Variants in INPP5A observed in about 807,000 individuals in gnomAD.
The protein encoded by INPP5A is 43 kDa inositol polyphosphate 5-phophatase.
A neutral mutation model predicts 65.2 loss-of-function variants in INPP5A; 14 were observed. That is an observed-to-expected ratio of 0.21 (90% CI 0.14 to 0.34). The LOEUF is 0.34. Among genes scored for constraint, INPP5A ranks in the 10% least tolerant of loss-of-function variants. The pLI, the probability that INPP5A is intolerant of heterozygous loss-of-function variation, is 1.00. For missense variants in INPP5A, 431 were observed against 545.6 expected (o/e 0.79, Z 2.09); for synonymous variants, 207 against 208.3 (o/e 0.99, Z 0.05).
At chr10:132,672,741 C>T (rs944570881) in intron 4 of INPP5A, among the ~76,000 whole-genome samples, 42 of 152,334 alleles carry the variant, frequency 2.8e-4, no homozygotes, top group African/African-American at 9.1e-4. Context: ...TCTTCAAAAA[C>T]GACTTCCACT....
chr10:132,747,824 C>A (rs767257721), intron 9 of INPP5A, among the ~76,000 whole-genome samples: 21 of 152,180 alleles, frequency 1.4e-4, no homozygotes, highest in Admixed American at 3.9e-4. Flanking sequence ...TGAAATGGGA[C>A]AATCGCTTGA....
In INPP5A at chr10:132,726,831, C is replaced by A; in HGVS notation, c.658C>A (p.Gln220Lys). The change falls in exon 9 of 16, where the codon CAG becomes AAG. Residue 220 changes from glutamine to lysine, a missense_variant. Physicochemically the swap from Gln to Lys is moderately conservative, Grantham distance 53. Transcript: ENST00000368594. ...TCTTTTTCTTTCCAGAATCATTGAT[C>A]AGCGATTCGAGAAGGTTTCCTACTT... ...LGYVLDRIID[Q>K]RFEKVSYFVF... The A allele has an allele frequency of 6.2e-7, 1 of 1,602,058 alleles. No homozygotes were observed. The highest frequency in any genetic ancestry group is 8.5e-7 in the Non-Finnish European group (1 of 1,171,204).
intron 8 of INPP5A, among the ~76,000 whole-genome samples, chr10:132,719,797 G>T (rs34776519): frequency 6.6e-6 from 1 of 151,080 alleles, no homozygotes; most frequent in Non-Finnish European, 1.5e-5. Context: ...TGTGGGTTCT[G>T]TGGTGCCTGG....
At chr10:132,693,319 A>G (rs1324066937) in intron 5 of INPP5A, among the ~76,000 whole-genome samples, 4 of 152,220 alleles carry the variant, frequency 2.6e-5, no homozygotes, top group Non-Finnish European at 4.4e-5. Context: ...TACTCCAACT[A>G]TATCAACGAT....
Position 132,721,613 on chromosome 10 carries a change from T to TGG in INPP5A, c.648-5206_648-5205dup, listed in dbSNP as rs1281618887. ...GGTTCTGTGGTACCTGGGTTCTGTC[T>TGG]GGGCACCTTAGACAGCTGTCTTCAG... On this transcript the variant is annotated intron_variant, in intron 8 of 15. Coordinates refer to ENST00000368594, the MANE Select transcript of INPP5A (RefSeq NM_005539.5). Among the ~76,000 whole-genome samples the TGG allele has an allele frequency of 2.7e-5, 4 of 149,074 alleles. No individual in the cohort carries two copies. In the East Asian group the frequency reaches 6.1e-4, roughly 23 times the overall value.
intron 3 of INPP5A, among the ~76,000 whole-genome samples, chr10:132,649,431 G>A (rs1185066625): frequency 3.9e-5 from 6 of 152,270 alleles, no homozygotes; most frequent in African/African-American, 7.2e-5. Context: ...GTTATTTTCC[G>A]TAGGATGGCA....
At chr10:132,689,838 T>A (rs1156907201) in intron 4 of INPP5A, among the ~76,000 whole-genome samples, 1 of 152,212 alleles carries the variant, frequency 6.6e-6, no homozygotes. Flanking sequence ...ACCATCCGGC[T>A]AATTTGTAAG....
chr10:132,685,954 C>T (rs548037839), intron 4 of INPP5A, among the ~76,000 whole-genome samples: 1 of 152,338 alleles, frequency 6.6e-6, no homozygotes, highest in Admixed American at 6.5e-5. Context: ...TGTAAATACT[C>T]CATCTTCACT....
At chr10:132,619,417 T>G (rs2072083361) in intron 2 of INPP5A, among the ~76,000 whole-genome samples, 2 of 152,226 alleles carry the variant, frequency 1.3e-5, no homozygotes, top group Non-Finnish European at 2.9e-5. Context: ...CCTGTGGCTT[T>G]GCAGGGTTCA....
At chr10:132,716,139 C>T (rs563551246) in intron 8 of INPP5A, among the ~76,000 whole-genome samples, 14 of 152,350 alleles carry the variant, frequency 9.2e-5, no homozygotes, top group Admixed American at 7.8e-4. Context: ...GCAGGGGCAG[C>T]GCCTGCACCC....
intron 6 of INPP5A, among the ~76,000 whole-genome samples, chr10:132,703,060 C>T (rs888607362): frequency 2.0e-5 from 3 of 152,132 alleles, no homozygotes; most frequent in Non-Finnish European, 2.9e-5. Context: ...CGTTGGGTGC[C>T]CCCCACCCTT....
chr10:132,780,728 C>T, intron 13 of INPP5A, 121 bp from the exon 14 acceptor site: 1 of 820,806 alleles, frequency 1.2e-6, no homozygotes, highest in Non-Finnish European at 2.1e-6. Flanking sequence ...GAGGTACTGG[C>T]AGGGGCCGAC....
rs1289200358 is a variant in INPP5A at position 132,741,048 on chromosome 10, G to A, written c.733-8469G>A. 6.6e-6 allele frequency among the ~76,000 whole-genome samples: 1 copy of A among 152,108 alleles called. No individual in the cohort carries two copies. Among genetic ancestry groups the A allele is most frequent in the African/African-American group, 2.4e-5 (1 of 41,410 alleles). ...TTCAAGACCAGCCTGGGCAACATAG[G>A]GAGTCCCCGTCTCTACAGAAAATAA... is the stretch of plus-strand genomic sequence containing the variant. On this transcript the variant is annotated intron_variant, in intron 9 of 15. Transcript: ENST00000368594. The surrounding 1 kb of genome is among the most constrained non-coding windows in gnomAD (Gnocchi z 4.4).
At chr10:132,684,949 C>G (rs999297060) in intron 4 of INPP5A, among the ~76,000 whole-genome samples, 3 of 152,178 alleles carry the variant, frequency 2.0e-5, no homozygotes, top group Admixed American at 6.5e-5. Flanking sequence ...TTAGTAATCT[C>G]TCGACTCTCA....
At chr10:132,686,807 C>T (rs529641612) in intron 4 of INPP5A, among the ~76,000 whole-genome samples, 1 of 152,280 alleles carries the variant, frequency 6.6e-6, no homozygotes, top group South Asian at 2.1e-4. Context: ...GAAGGGATAT[C>T]TTCTATAAAG....
At chr10:132,662,832 C>T (rs2072754134) in intron 4 of INPP5A, among the ~76,000 whole-genome samples, 2 of 152,276 alleles carry the variant, frequency 1.3e-5, no homozygotes, top group South Asian at 4.1e-4. Context: ...TGTCAAGGGG[C>T]GAAGGGACCC....
chr10:132,776,419 C>CG (rs1214036458), intron 12 of INPP5A, among the ~76,000 whole-genome samples: 1 of 152,086 alleles, frequency 6.6e-6, no homozygotes, highest in South Asian at 2.1e-4. Context: ...GGGCAGGGTC[C>CG]GGGGGGCATG....
chr10:132,729,056 C>T (rs1017492058), intron 9 of INPP5A, among the ~76,000 whole-genome samples: 18 of 141,774 alleles, frequency 1.3e-4, no homozygotes, highest in African/African-American at 3.1e-4. Flanking sequence ...GTGGGGCTTG[C>T]GTGGCCGCTG....
chr10:132,727,263 T>C lies in INPP5A; in HGVS notation c.732+358T>C, dbSNP rs551466229. On this transcript the variant is annotated intron_variant, in intron 9 of 15. Coordinates refer to ENST00000368594, the MANE Select transcript of INPP5A (RefSeq NM_005539.5). The surrounding 1 kb of genome is among the most constrained non-coding windows in gnomAD (Gnocchi z 6.5). ...CTGCAGAGTGTCAGCTCCTTCACAC[T>C]GTCCAACTTGATCTCAGCGATTTTT... 49 of 199,950 alleles carry C rather than the reference T, an allele frequency of 2.5e-4. No homozygotes were observed. The highest frequency in any genetic ancestry group is 4.2e-4 in the Non-Finnish European group (42 of 99,188). The allele number at this position is 199,950 out of a possible 1,614,324, so 12.4% of individuals were successfully genotyped here.
Sources: gnomAD v4.1 joint callset for allele counts (sites outside exome capture counted in the v4.1 genomes callset) on GRCh38, gnomAD v4.1.1 for gene constraint, Gnocchi (gnomAD v3.1) non-coding constraint, MANE v1.5 for transcripts, NCBI Gene and HGNC (gene_info 2026-07-23, HGNC 2026-07-21) for gene names.